ZBTB20: variants seen among roughly 807,000 people sequenced by gnomAD.
The protein encoded by ZBTB20 is zinc finger and BTB domain-containing protein 20.
In ZBTB20, 9 loss-of-function variants were observed where a neutral mutation model predicts 56.9. The observed-to-expected ratio is 0.16, with a 90% confidence interval of 0.10 to 0.28. The LOEUF (loss-of-function observed/expected upper bound fraction) is 0.28. ZBTB20 is among the 10% of genes least tolerant of loss of function. The probability of loss-of-function intolerance (pLI) is 1.00; values close to 1 mark genes in which losing one functional copy is unlikely to be tolerated. For missense variants in ZBTB20, 655 were observed against 1,003.0 expected, an observed-to-expected ratio of 0.65 and a Z score of 4.69; for synonymous variants, 417 against 420.7, an observed-to-expected ratio of 0.99 and a Z score of 0.11.
chr3:115,118,247 T>G lies in ZBTB20; in HGVS notation c.-703+28972A>C, dbSNP rs1289879993. ...TCTCACTCTGTTGCCCAGGCTAGAG[T>G]GCAGTTGTGTGGTAATAACTTAACT... On this transcript the variant is annotated intron_variant, in intron 1 of 11. Transcript: ENST00000675478. Among the ~76,000 whole-genome samples, 3 of 152,106 alleles carry G rather than the reference T, an allele frequency of 2.0e-5. No homozygotes were observed. In the East Asian group the frequency reaches 5.8e-4, roughly 29 times the overall value.
At chr3:114,381,437 A>C (rs1478291046) in intron 8 of ZBTB20, among the ~76,000 whole-genome samples, 1 of 152,254 alleles carries the variant, frequency 6.6e-6, no homozygotes. Flanking sequence ...ATATGAAATT[A>C]ACAAATACTT....
chr3:114,630,812 T>C (rs939912776), intron 6 of ZBTB20, among the ~76,000 whole-genome samples: 1 of 152,146 alleles, frequency 6.6e-6, no homozygotes, highest in African/African-American at 2.4e-5. Context: ...GAGAACTACA[T>C]TTGGAAGGAG....
intron 6 of ZBTB20, among the ~76,000 whole-genome samples, chr3:114,583,559 T>C (rs1377862166): frequency 2.0e-5 from 3 of 152,176 alleles, no homozygotes; most frequent in Non-Finnish European, 2.9e-5. Context: ...CCTACTTAAG[T>C]GAATACTTAT....
chr3:114,937,790 C>T (rs1030547854), intron 3 of ZBTB20, among the ~76,000 whole-genome samples: 4 of 151,860 alleles, frequency 2.6e-5, no homozygotes, highest in African/African-American at 9.7e-5. Context: ...TGTTTGTTTT[C>T]TTCTTGTAAA....
At chr3:115,085,079 T>C (rs1341273435) in intron 1 of ZBTB20, among the ~76,000 whole-genome samples, 1 of 152,002 alleles carries the variant, frequency 6.6e-6, no homozygotes, top group Non-Finnish European at 1.5e-5. Flanking sequence ...TTCATCCAGA[T>C]TGCCCTCCAA....
chr3:114,966,785 C>T (rs1163959831), intron 3 of ZBTB20, among the ~76,000 whole-genome samples: 5 of 151,916 alleles, frequency 3.3e-5, no homozygotes, highest in African/African-American at 4.8e-5. Context: ...CTAGAGTTAA[C>T]TAAGGTAGTA....
intron 6 of ZBTB20, among the ~76,000 whole-genome samples, chr3:114,590,458 C>G (rs1309076910): frequency 7.1e-6 from 1 of 141,628 alleles, no homozygotes; most frequent in Non-Finnish European, 1.5e-5. Context: ...GACTCCGTCT[C>G]AAAAAATAAA....
chr3:114,906,758 C>T (rs1202283556), intron 3 of ZBTB20, among the ~76,000 whole-genome samples: 1 of 151,406 alleles, frequency 6.6e-6, no homozygotes, highest in African/African-American at 2.4e-5. Flanking sequence ...CAGGATAATA[C>T]ATTTTAGGTA....
intron 1 of ZBTB20, among the ~76,000 whole-genome samples, chr3:115,088,616 A>T (rs2083076120): frequency 6.6e-6 from 1 of 151,922 alleles, no homozygotes; most frequent in Non-Finnish European, 1.5e-5. Context: ...TTTAAAAAAT[A>T]TAAAAATTAC....
At chr3:114,553,888 A>C (rs2050878043) in intron 6 of ZBTB20, among the ~76,000 whole-genome samples, 1 of 152,184 alleles carries the variant, frequency 6.6e-6, no homozygotes, top group Non-Finnish European at 1.5e-5. Context: ...TCCTTATAAT[A>C]GCACATTTAA....
At chr3:114,854,467 G>A (rs1560324734) in intron 4 of ZBTB20, among the ~76,000 whole-genome samples, 1 of 151,962 alleles carries the variant, frequency 6.6e-6, no homozygotes, top group South Asian at 2.1e-4. Flanking sequence ...CTGTTTTCCC[G>A]CCTCCTCTTC....
intron 7 of ZBTB20, among the ~76,000 whole-genome samples, chr3:114,445,047 T>G (rs950910335): frequency 3.9e-5 from 6 of 152,300 alleles, no homozygotes; most frequent in Admixed American, 3.9e-4. Flanking sequence ...ATTATGATGC[T>G]CTGATGCTGA....
At chr3:114,400,144 A>G (rs1576595583) in intron 7 of ZBTB20, among the ~76,000 whole-genome samples, 1 of 152,288 alleles carries the variant, frequency 6.6e-6, no homozygotes, top group East Asian at 1.9e-4. Flanking sequence ...GGAGAATCAG[A>G]AGATCTGCCT....
chr3:114,717,890 T>G (rs1251546492), intron 5 of ZBTB20, among the ~76,000 whole-genome samples: 1 of 152,292 alleles, frequency 6.6e-6, no homozygotes, highest in South Asian at 2.1e-4. Context: ...TAATATCTTT[T>G]GGGATACCCC....
intron 10 of ZBTB20, among the ~76,000 whole-genome samples, chr3:114,360,078 G>A (rs906652433): frequency 9.3e-5 from 14 of 151,230 alleles, no homozygotes; most frequent in African/African-American, 3.4e-4. Context: ...ACTTAAACGA[G>A]TGAGAAAACA....
In ZBTB20 at chr3:114,327,273, C is replaced by T. The variant is rs1012219601; in HGVS notation, c.*11732G>A. ...ATACTTCTTGGGGAACTAGAAAGAA[C>T]AGCATCAAGAAGGCATCCCAGATTG... is the stretch of plus-strand genomic sequence containing the variant. On this transcript the variant is annotated 3_prime_UTR_variant, in exon 12 of 12. Transcript: ENST00000675478. 4.6e-5 allele frequency: 7 copies of T among 152,060 alleles called. No homozygotes were observed. In the East Asian group the frequency reaches 1.3e-3, roughly 29 times the overall value. 9.4% of individuals were successfully genotyped at this position (152,060 alleles called of 1,614,324 possible). A position where few individuals can be genotyped will look rare whatever the true frequency, so the allele number is the denominator to read the frequency against.
At chr3:114,483,337 TA>T (rs1325122184) in intron 7 of ZBTB20, among the ~76,000 whole-genome samples, 2 of 152,066 alleles carry the variant, frequency 1.3e-5, no homozygotes, top group African/African-American at 4.8e-5. Context: ...GACCATTATT[TA>T]CAGTGATTTT....
intron 4 of ZBTB20, among the ~76,000 whole-genome samples, chr3:114,827,100 C>T (rs1023329220): frequency 6.6e-6 from 1 of 151,566 alleles, no homozygotes; most frequent in African/African-American, 2.4e-5. Flanking sequence ...AATAATTTGC[C>T]TTGCTTCATG....
At chr3:114,635,322 C>G (rs1370176136) in intron 6 of ZBTB20, among the ~76,000 whole-genome samples, 1 of 152,078 alleles carries the variant, frequency 6.6e-6, no homozygotes, top group Non-Finnish European at 1.5e-5. Flanking sequence ...GCACCATGAA[C>G]TGGTAAAGGT....
Sources: allele counts gnomAD v4.1 joint callset (sites outside exome capture counted in the v4.1 genomes callset), GRCh38; gene constraint gnomAD v4.1.1; transcripts MANE v1.5; gene names NCBI Gene and HGNC (gene_info 2026-07-23, HGNC 2026-07-21).